Variants in SPPL3 observed in about 807,000 individuals in gnomAD.
SPPL3 encodes signal peptide peptidase-like 3.
A neutral mutation model predicts 42.4 loss-of-function variants in SPPL3; 5 were observed. The observed-to-expected ratio is 0.12, with a 90% CI of 0.06 to 0.25. The LOEUF (loss-of-function observed/expected upper bound fraction) is 0.25, where lower values mean the gene tolerates loss of function less well. Among genes scored for constraint, SPPL3 ranks in the 10% least tolerant of loss-of-function variants. The probability of loss-of-function intolerance (pLI) is 1.00; values close to 1 mark genes in which losing one functional copy is unlikely to be tolerated. For synonymous variants in SPPL3, 195 were observed against 181.8 expected (o/e 1.07, Z -0.58); for missense variants, 235 against 489.0 (o/e 0.48, Z 4.90).
chr12:120,852,727 TAA>T (rs1566060850), intron 1 of SPPL3, among the ~76,000 whole-genome samples: 3 of 45,058 alleles, frequency 6.7e-5, no homozygotes, highest in African/African-American at 1.0e-4. Flanking sequence ...ATTTTATATA[TAA>T]TATACATATA....
intron 1 of SPPL3, among the ~76,000 whole-genome samples, chr12:120,888,380 A>G (rs34009825): frequency 0.4 from 60,435 of 152,022 alleles, 14,077 homozygotes; most frequent in Middle Eastern, 0.56. Flanking sequence ...CTGGCCCCAC[A>G]TTATTCATAG....
chr12:120,865,208 G>T (rs1163087590), intron 1 of SPPL3, among the ~76,000 whole-genome samples: 1 of 152,108 alleles, frequency 6.6e-6, no homozygotes, highest in Non-Finnish European at 1.5e-5. Flanking sequence ...TATAACTGCT[G>T]ACTGCTCTGA....
chr12:120,838,496 C>T (rs1318799394), intron 1 of SPPL3, among the ~76,000 whole-genome samples: 1 of 152,192 alleles, frequency 6.6e-6, no homozygotes, highest in Admixed American at 6.5e-5. Flanking sequence ...CTCCTGGGAA[C>T]GCTGTCCTAG....
intron 1 of SPPL3, among the ~76,000 whole-genome samples, chr12:120,826,913 ATT>A (rs1871245849): frequency 6.6e-6 from 1 of 152,178 alleles, no homozygotes; most frequent in Admixed American, 6.5e-5. Context: ...TCCTGACAAA[ATT>A]GAGACATTCA....
At chr12:120,767,922 C>G (rs949425856) in intron 8 of SPPL3, among the ~76,000 whole-genome samples, 1 of 152,194 alleles carries the variant, frequency 6.6e-6, no homozygotes, top group Non-Finnish European at 1.5e-5. Context: ...CAAATAAGCA[C>G]CTGGCTACTA....
chr12:120,820,799 A>G (rs1871042530), intron 1 of SPPL3, among the ~76,000 whole-genome samples: 2 of 151,002 alleles, frequency 1.3e-5, no homozygotes, highest in East Asian at 2.0e-4. Flanking sequence ...AGTAAATAAA[A>G]TAGTTACTTA....
chr12:120,860,549 C>A (rs1872592991), intron 1 of SPPL3, among the ~76,000 whole-genome samples: 1 of 152,108 alleles, frequency 6.6e-6, no homozygotes, highest in Non-Finnish European at 1.5e-5. Context: ...AATGTTTAAA[C>A]CTCATTATAG....
At chr12:120,879,393 G>C (rs181783350) in intron 1 of SPPL3, among the ~76,000 whole-genome samples, 22 of 152,116 alleles carry the variant, frequency 1.4e-4, no homozygotes, top group Admixed American at 1.4e-3. Flanking sequence ...ACTGTCCTTT[G>C]ATTTGAAACA....
intron 1 of SPPL3, among the ~76,000 whole-genome samples, chr12:120,837,615 G>C (rs957766947): frequency 1.3e-5 from 2 of 151,980 alleles, no homozygotes; most frequent in African/African-American, 4.8e-5. Context: ...TATCAGAAGG[G>C]AATGCGATTC....
At chr12:120,791,751 T>G (rs926190989) in intron 2 of SPPL3, 194 bp from the exon 3 acceptor site, 2 of 513,794 alleles carry the variant, frequency 3.9e-6, no homozygotes, top group African/African-American at 2.0e-5. Context: ...AGAGTTTTCC[T>G]GACTGCAGAT....
chr12:120,765,821 A>G (rs527247192), intron 10 of SPPL3, among the ~76,000 whole-genome samples: 6 of 152,246 alleles, frequency 3.9e-5, no homozygotes, highest in African/African-American at 1.2e-4. Flanking sequence ...CTGAGAATAG[A>G]TATCTGGGAA....
chr12:120,802,397 A>ATGTG (rs71453508), intron 2 of SPPL3, among the ~76,000 whole-genome samples: 2 of 119,840 alleles, frequency 1.7e-5, no homozygotes, highest in Non-Finnish European at 3.2e-5. Context: ...ATACACATAT[A>ATGTG]TGTGTGTGTG....
At position 120,764,589 on chromosome 12, in the gene SPPL3, G is replaced by A. The variant is rs1868807214; in HGVS notation, c.*410C>T. On this transcript the variant is annotated 3_prime_UTR_variant, in exon 11 of 11. Transcript: ENST00000353487. Reference sequence around the variant, plus strand: ...GAAACTGGTCCCAAAGTTCTCGAGGGGTCATTGAAGAAACTTCGGTTTGCT... The same window carrying A: ...GAAACTGGTCCCAAAGTTCTCGAGGAGTCATTGAAGAAACTTCGGTTTGCT... 6.3e-6 allele frequency: 2 copies of A among 316,320 alleles called. No individual in the cohort carries two copies. The highest frequency in any genetic ancestry group is 9.9e-5 in the Admixed American group (2 of 20,218). The allele number at this position is 316,320 out of a possible 1,614,324, so 19.6% of individuals were successfully genotyped here.
intron 1 of SPPL3, among the ~76,000 whole-genome samples, chr12:120,814,905 T>C (rs780286637): frequency 6.6e-6 from 1 of 152,212 alleles, no homozygotes; most frequent in South Asian, 2.1e-4. Flanking sequence ...TGTATCAGGA[T>C]GTGGAGAACT....
intron 1 of SPPL3, among the ~76,000 whole-genome samples, chr12:120,900,200 T>A (rs1873931406): frequency 6.6e-6 from 1 of 152,150 alleles, no homozygotes; most frequent in African/African-American, 2.4e-5. Context: ...CCCATCTGCA[T>A]ATGCCTTTAT....
chr12:120,779,864 G>C (rs920104420), intron 6 of SPPL3, among the ~76,000 whole-genome samples: 1 of 149,352 alleles, frequency 6.7e-6, no homozygotes, highest in Non-Finnish European at 1.5e-5. Context: ...AAGGTGTGGT[G>C]GTGGGCACCT....
chr12:120,874,437 A>T (rs957948973), intron 1 of SPPL3, among the ~76,000 whole-genome samples: 2 of 137,974 alleles, frequency 1.4e-5, no homozygotes, highest in Admixed American at 7.8e-5. Flanking sequence ...TAGATGACAG[A>T]GCGAGACCCT....
chr12:120,778,111 A>ATTTTT (rs57779322), intron 6 of SPPL3, among the ~76,000 whole-genome samples: 27,342 of 90,512 alleles, frequency 0.3, 5,317 homozygotes, highest in Admixed American at 0.37. Context: ...CTGAAAAGCA[A>ATTTTT]TTTTTTTTTT....
chr12:120,789,141 C>T (rs565630453), intron 3 of SPPL3, among the ~76,000 whole-genome samples: 2 of 152,294 alleles, frequency 1.3e-5, no homozygotes, highest in South Asian at 4.1e-4. Context: ...TTTAGTACAA[C>T]ATAGCTGGCA....
Sources: gnomAD v4.1 joint callset for allele counts (sites outside exome capture counted in the v4.1 genomes callset) on GRCh38, gnomAD v4.1.1 for gene constraint, MANE v1.5 for transcripts, NCBI Gene and HGNC (gene_info 2026-07-23, HGNC 2026-07-21) for gene names.